Variants in PTPRN2 observed in about 807,000 individuals in gnomAD.
PTPRN2 encodes the protein protein tyrosine phosphatase receptor type N2.
A neutral mutation model predicts 118.8 loss-of-function variants in PTPRN2; 74 were observed. That is an observed-to-expected ratio of 0.62 (90% CI 0.52 to 0.76). The LOEUF (loss-of-function observed/expected upper bound fraction) is 0.76. Ranked by LOEUF, PTPRN2 falls within the 30% of genes least tolerant of loss-of-function variation. The pLI is 0.00. For missense variants in PTPRN2, 1,481 were observed against 1,394.4 expected, an observed-to-expected ratio of 1.06 and a Z score of -0.99; for synonymous variants, 641 against 608.0, an observed-to-expected ratio of 1.05 and a Z score of -0.80.
intron 11 of PTPRN2, among the ~76,000 whole-genome samples, chr7:157,972,728 TTCAGAGACCACGGGCACTCCACACCAC>T (rs1802429883): frequency 6.8e-6 from 1 of 147,188 alleles, no homozygotes; most frequent in Non-Finnish European, 1.5e-5. Flanking sequence ...AGAGCAGGGC[TTCAGAGACCACGGGCACTCCACACCAC>T]GAGAGCAGGG....
intron 3 of PTPRN2, among the ~76,000 whole-genome samples, chr7:158,255,569 C>T (rs1314534954): frequency 1.4e-5 from 2 of 141,842 alleles, no homozygotes; most frequent in Admixed American, 7.1e-5. Context: ...CAGAGAATTA[C>T]ACAATCATGT....
chr7:157,888,739 G>C lies in PTPRN2; in HGVS notation c.1788+9934C>G, dbSNP rs1796628930. On this transcript the variant is annotated intron_variant, in intron 12 of 22. Coordinates refer to ENST00000389418, the MANE Select transcript of PTPRN2 (RefSeq NM_002847.5). Reference sequence around the variant, plus strand: ...TTTCCCACAGCAACCACGGTCAATGGGTGACGGGGGCCGCCATGTCCCAGA... The same window carrying C: ...TTTCCCACAGCAACCACGGTCAATGCGTGACGGGGGCCGCCATGTCCCAGA... Among the ~76,000 whole-genome samples, 3 of 152,320 alleles carry C rather than the reference G, an allele frequency of 2.0e-5. No individual in the cohort carries two copies. The South Asian group carries it at 6.2e-4, about 32-fold the overall frequency.
At chr7:158,291,939 C>T (rs1335803058) in intron 3 of PTPRN2, among the ~76,000 whole-genome samples, 1 of 152,210 alleles carries the variant, frequency 6.6e-6, no homozygotes, top group African/African-American at 2.4e-5. Context: ...TTGTAATTAT[C>T]TGCCCACATG....
intron 1 of PTPRN2, among the ~76,000 whole-genome samples, chr7:158,547,774 C>T (rs994684864): frequency 1.3e-5 from 2 of 152,244 alleles, no homozygotes; most frequent in Non-Finnish European, 2.9e-5. Flanking sequence ...ACCGTACCCC[C>T]TGTCCACCTG....
chr7:158,233,714 C>T (rs1011033443), intron 3 of PTPRN2, among the ~76,000 whole-genome samples: 4 of 152,142 alleles, frequency 2.6e-5, no homozygotes, highest in African/African-American at 4.8e-5. Context: ...GACCTGACTT[C>T]GAAATATGCT....
intron 12 of PTPRN2, among the ~76,000 whole-genome samples, chr7:157,817,467 G>T (rs977824220): frequency 1.2e-4 from 18 of 152,158 alleles, no homozygotes; most frequent in African/African-American, 4.3e-4. Context: ...GGCAGATGGT[G>T]CCACTGCCGG....
intron 13 of PTPRN2, among the ~76,000 whole-genome samples, chr7:157,680,155 C>G (rs969552649): frequency 6.6e-6 from 1 of 152,200 alleles, no homozygotes; most frequent in African/African-American, 2.4e-5. Context: ...TTTTCAGAAG[C>G]TTTAAGACAA....
chr7:158,587,610 C>T lies in PTPRN2; in HGVS notation c.60G>A (p.Leu20=). ...LLLLLLPPRV[L]PAAPSSVPRG... ...GGGGGACGGACGAAGGGGCGGCAGG[C>T]AGGACGCGTGGCGGCAGCAGCAGCA... The change falls in exon 1 of 23, where the codon CTG becomes CTA. Residue 20 remains leucine (L), a synonymous_variant. Coordinates refer to ENST00000389418, the MANE Select transcript of PTPRN2 (RefSeq NM_002847.5). 1 of 1,362,320 alleles carries T rather than the reference C, an allele frequency of 7.3e-7. No individual in the cohort carries two copies. The highest frequency in any genetic ancestry group is 9.4e-7 in the Non-Finnish European group (1 of 1,064,284). 84.4% of individuals were successfully genotyped at this position (1,362,320 alleles called of 1,614,324 possible).
Position 158,012,310 on chromosome 7 carries a change from G to A in PTPRN2, c.1723+68988C>T, listed in dbSNP as rs1806106095. 2.6e-5 allele frequency among the ~76,000 whole-genome samples: 4 copies of A among 151,984 alleles called. No homozygotes were observed. The South Asian group carries it at 8.3e-4, about 31-fold the overall frequency. ...GCTGATACATAGATGACACGACGCT[G>A]GCTTTACACACCACATCACGGTGAG... On this transcript the variant is annotated intron_variant, in intron 11 of 22. Transcript: ENST00000389418.
chr7:157,934,642 T>C (rs1413153642), intron 11 of PTPRN2, among the ~76,000 whole-genome samples: 1 of 152,256 alleles, frequency 6.6e-6, no homozygotes, highest in East Asian at 1.9e-4. Context: ...ACAGGGACTC[T>C]TCACTTGGCG....
chr7:158,318,806 G>T (rs969235678), intron 2 of PTPRN2, among the ~76,000 whole-genome samples: 6 of 152,234 alleles, frequency 3.9e-5, no homozygotes, highest in Non-Finnish European at 8.8e-5. Flanking sequence ...GCTGGTCCGG[G>T]CCCCACTCGG....
intron 2 of PTPRN2, among the ~76,000 whole-genome samples, chr7:158,328,800 C>CA (rs201099135): frequency 0.028 from 4,205 of 148,826 alleles, 257 homozygotes; most frequent in African/African-American, 0.1. Flanking sequence ...CATTCCCCCC[C>CA]CCCCGCCACC....
rs533584160 is a variant in PTPRN2, at chr7:158,552,560, C to T, written c.112+34998G>A. Among the ~76,000 whole-genome samples, 35 of 152,294 alleles carry T rather than the reference C, an allele frequency of 2.3e-4. No individual in the cohort carries two copies. In the South Asian group the frequency reaches 6.8e-3, roughly 30 times the overall value. ...TTCCTCTCTGGTTCAAGCGATTTTT[C>T]TGCCTCAGCCTCCTGAGCTAGGATT... is the stretch of plus-strand genomic sequence containing the variant. On this transcript the variant is annotated intron_variant, in intron 1 of 22. Coordinates refer to ENST00000389418, the MANE Select transcript of PTPRN2 (RefSeq NM_002847.5).
At chr7:158,071,191 ATGG>A (rs1243647126) in intron 11 of PTPRN2, among the ~76,000 whole-genome samples, 1 of 5,800 alleles carries the variant, frequency 1.7e-4, no homozygotes, top group Non-Finnish European at 2.8e-4. Flanking sequence ...GGAGGTGCTC[ATGG>A]TGGTGGAGGT....
At chr7:158,087,366 G>A (rs887827338) in intron 10 of PTPRN2, among the ~76,000 whole-genome samples, 2 of 151,980 alleles carry the variant, frequency 1.3e-5, no homozygotes, top group Admixed American at 1.3e-4. Flanking sequence ...GCCACGTCAG[G>A]GTAGATCTTG....
chr7:157,939,335 G>A (rs1277891009), intron 11 of PTPRN2, among the ~76,000 whole-genome samples: 1 of 152,246 alleles, frequency 6.6e-6, no homozygotes, highest in East Asian at 1.9e-4. Flanking sequence ...CGGCCACAGG[G>A]GCTGGTGGCT....
At chr7:158,165,805 AGGAACC>A (rs1822912942) in intron 6 of PTPRN2, among the ~76,000 whole-genome samples, 1 of 152,222 alleles carries the variant, frequency 6.6e-6, no homozygotes, top group Non-Finnish European at 1.5e-5. Flanking sequence ...AAAGAGTCGC[AGGAACC>A]CGCAAACGCC....
intron 4 of PTPRN2, among the ~76,000 whole-genome samples, chr7:158,194,355 C>A (rs957910686): frequency 2.6e-5 from 4 of 152,210 alleles, no homozygotes; most frequent in Non-Finnish European, 5.9e-5. Context: ...GAACGGGCAT[C>A]ACCATTAAAA....
chr7:158,275,651 G>A lies in PTPRN2; in HGVS notation c.277+41168C>T, dbSNP rs80315159. 3.4e-3 allele frequency among the ~76,000 whole-genome samples: 520 copies of A among 152,254 alleles called. 3 individuals carry two copies. The highest frequency in any genetic ancestry group is 0.011 in the African/African-American group (473 of 41,542). On this transcript the variant is annotated intron_variant, in intron 3 of 22. Coordinates refer to ENST00000389418, the MANE Select transcript of PTPRN2 (RefSeq NM_002847.5). Reference sequence around the variant, plus strand: ...TTAAAATTGCTAATTGCACGTAATCGCAAGTAATTTTTGTTCTTTGGTGAG... The same window carrying A: ...TTAAAATTGCTAATTGCACGTAATCACAAGTAATTTTTGTTCTTTGGTGAG...
Sources: gnomAD v4.1 joint callset for allele counts (sites outside exome capture counted in the v4.1 genomes callset) on GRCh38, gnomAD v4.1.1 for gene constraint, MANE v1.5 for transcripts, NCBI Gene and HGNC (gene_info 2026-07-23, HGNC 2026-07-21) for gene names.